The following CDH4 variants were observed in gnomAD, a reference collection of about 807,000 sequenced individuals.
CDH4 encodes the protein cadherin-4.
CDH4 carries 33 observed loss-of-function variants against 86.0 expected under a neutral mutation model. The ratio of observed to expected loss-of-function variants is 0.38; its 90% CI spans 0.29 to 0.51. The LOEUF is 0.51. CDH4 is among the 20% of genes least tolerant of loss of function. The pLI is 0.86. For missense variants in CDH4, 1,114 were observed against 1,307.4 expected (o/e 0.85, Z 2.28); for synonymous variants, 555 against 549.4 (o/e 1.01, Z -0.14).
At chr20:61,660,235 T>C (rs558743627) in intron 2 of CDH4, among the ~76,000 whole-genome samples, 5 of 152,334 alleles carry the variant, frequency 3.3e-5, no homozygotes, top group African/African-American at 1.2e-4. Context: ...TCTTTCCTTC[T>C]TGTCTTCCCC....
chr20:61,772,094 G>T (rs918813315), intron 3 of CDH4, among the ~76,000 whole-genome samples: 3 of 152,228 alleles, frequency 2.0e-5, no homozygotes, highest in African/African-American at 7.2e-5. Flanking sequence ...TTTTCTCATT[G>T]TCATCTGATG....
At chr20:61,784,861 C>T (rs891813113) in intron 4 of CDH4, among the ~76,000 whole-genome samples, 11 of 152,114 alleles carry the variant, frequency 7.2e-5, no homozygotes, top group Non-Finnish European at 1.2e-4. Flanking sequence ...CTGGATGGCG[C>T]GAGTTTCCCA....
intron 4 of CDH4, among the ~76,000 whole-genome samples, chr20:61,819,325 A>G (rs1053748518): frequency 7.2e-5 from 11 of 152,224 alleles, no homozygotes; most frequent in East Asian, 1.9e-4. Flanking sequence ...ACCAGAGCAC[A>G]TGGATGTTGG....
At chr20:61,499,288 C>T (rs2085683635) in intron 2 of CDH4, 1 of 403,230 alleles carries the variant, frequency 2.5e-6, no homozygotes, top group Non-Finnish European at 4.7e-6. Flanking sequence ...CAGCCCCGGA[C>T]CTTCATGCTG....
intron 2 of CDH4, among the ~76,000 whole-genome samples, chr20:61,407,039 G>A (rs528887269): frequency 6.6e-4 from 100 of 151,806 alleles, no homozygotes; most frequent in Non-Finnish European, 1.3e-3. Context: ...ACCACCATCT[G>A]CTCTGCCCGG....
chr20:61,730,804 TCTA>T (rs2088170304), intron 2 of CDH4, among the ~76,000 whole-genome samples: 1 of 152,178 alleles, frequency 6.6e-6, no homozygotes, highest in South Asian at 2.1e-4. Context: ...AAACGCCAGA[TCTA>T]CTTGCTCTGT....
intron 2 of CDH4, among the ~76,000 whole-genome samples, chr20:61,657,489 T>C (rs549861888): frequency 6.6e-6 from 1 of 152,232 alleles, no homozygotes; most frequent in South Asian, 2.1e-4. Context: ...TGCCCTTTTT[T>C]CTCATTTACC....
Position 61,816,698 on chromosome 20 carries a change from C to G in CDH4, c.577-27970C>G, listed in dbSNP as rs77884913. On this transcript the variant is annotated intron_variant, in intron 4 of 15. Coordinates refer to ENST00000614565, the MANE Select transcript of CDH4 (RefSeq NM_001794.5). ...GAATCGCACGTTAAATGGGGGGGGG[C>G]GGTTTGTGGGTTTGCCAAGGGGGCA... is the stretch of plus-strand genomic sequence containing the variant. Among the ~76,000 whole-genome samples the G allele has an allele frequency of 6.4e-3, 955 of 149,354 alleles. 5 individuals carry two copies. Among genetic ancestry groups the G allele is most frequent in the South Asian group, 0.014 (68 of 4,696 alleles).
chr20:61,252,727 C>G lies in CDH4; in HGVS notation c.57+157C>G, dbSNP rs2084069922. Among the ~76,000 whole-genome samples the G allele has an allele frequency of 6.6e-6, 1 of 151,132 alleles. No homozygotes were observed. Among genetic ancestry groups the G allele is most frequent in the African/African-American group, 2.4e-5 (1 of 41,260 alleles). ...AGCCCGGCGCCCGCGCTCGGCGAAG[C>G]TGCCTGCGGTCGGCAGGAGCGGGAA... On this transcript the variant is annotated intron_variant, in intron 1 of 15. Coordinates refer to ENST00000614565, the MANE Select transcript of CDH4 (RefSeq NM_001794.5). The surrounding 1 kb of genome is among the most constrained non-coding windows in gnomAD (Gnocchi z 4.4).
intron 2 of CDH4, among the ~76,000 whole-genome samples, chr20:61,673,542 G>A (rs1375221308): frequency 6.6e-6 from 1 of 152,236 alleles, no homozygotes; most frequent in Non-Finnish European, 1.5e-5. Context: ...GATATTCCGT[G>A]GGAGCAGCTA....
chr20:61,711,391 G>A (rs1194508279), intron 2 of CDH4, among the ~76,000 whole-genome samples: 1 of 152,182 alleles, frequency 6.6e-6, no homozygotes, highest in Non-Finnish European at 1.5e-5. Flanking sequence ...GACTAATACA[G>A]AAGGCTTGCA....
At chr20:61,803,384 C>T (rs759427860) in intron 4 of CDH4, among the ~76,000 whole-genome samples, 2 of 152,116 alleles carry the variant, frequency 1.3e-5, no homozygotes, top group Non-Finnish European at 2.9e-5. Flanking sequence ...AAGAGACGGG[C>T]GGTATTTAAA....
At chr20:61,499,355 TAGC>T in intron 2 of CDH4, 1 of 866,514 alleles carries the variant, frequency 1.2e-6, no homozygotes, top group South Asian at 1.4e-5. Flanking sequence ...CCTAGAAGGA[TAGC>T]AGTGCCTCTT....
chr20:61,882,120 C>G (rs753610848), intron 7 of CDH4, among the ~76,000 whole-genome samples: 1 of 152,238 alleles, frequency 6.6e-6, no homozygotes, highest in South Asian at 2.1e-4. Flanking sequence ...GGACTGCTGT[C>G]TTTAAGCCAC....
chr20:61,539,290 G>A (rs745833661), intron 2 of CDH4, among the ~76,000 whole-genome samples: 10 of 152,168 alleles, frequency 6.6e-5, no homozygotes, highest in Non-Finnish European at 1.5e-4. Flanking sequence ...CAGTGTAGGT[G>A]TATTAGTCAG....
chr20:61,642,773 T>C (rs1394292476), intron 2 of CDH4, among the ~76,000 whole-genome samples: 2 of 152,202 alleles, frequency 1.3e-5, no homozygotes, highest in African/African-American at 4.8e-5. Context: ...AACCACTTCC[T>C]TACCTTTCCA....
chr20:61,774,923 C>T (rs1401771633), intron 4 of CDH4, among the ~76,000 whole-genome samples: 2 of 152,162 alleles, frequency 1.3e-5, no homozygotes, highest in Non-Finnish European at 2.9e-5. Flanking sequence ...TCCAGTCTGT[C>T]ATTGATGGGC....
At chr20:61,601,607 G>A (rs1188753267) in intron 2 of CDH4, among the ~76,000 whole-genome samples, 1 of 152,190 alleles carries the variant, frequency 6.6e-6, no homozygotes, top group African/African-American at 2.4e-5. Flanking sequence ...TCCTGTGTGT[G>A]TGCCCACCTC....
chr20:61,550,066 T>A (rs2086116828), intron 2 of CDH4, among the ~76,000 whole-genome samples: 3 of 151,168 alleles, frequency 2.0e-5, no homozygotes, highest in African/African-American at 7.3e-5. Flanking sequence ...CTCCCTGGCC[T>A]CCCTAGCCTG....
Sources: gnomAD v4.1 joint callset for allele counts (sites outside exome capture counted in the v4.1 genomes callset) on GRCh38, gnomAD v4.1.1 for gene constraint, Gnocchi (gnomAD v3.1) non-coding constraint, MANE v1.5 for transcripts, NCBI Gene and HGNC (gene_info 2026-07-23, HGNC 2026-07-21) for gene names.